IL15: variants seen among roughly 807,000 people sequenced by gnomAD.
IL15 encodes interleukin 15, also known as interleukin-15.
IL15 carries 11 observed loss-of-function variants against 19.6 expected under a neutral mutation model. The observed-to-expected ratio is 0.56, with a 90% confidence interval of 0.35 to 0.93. IL15 has a LOEUF of 0.93. Among genes scored for constraint, IL15 ranks in the 40% least tolerant of loss-of-function variants. The pLI is 0.01. For missense variants in IL15, 197 were observed against 186.5 expected (o/e 1.06, Z -0.33); for synonymous variants, 58 against 59.6 (o/e 0.97, Z 0.12).
At chr4:141,695,817 T>C (rs999092932) in intron 2 of IL15, among the ~76,000 whole-genome samples, 1 of 152,094 alleles carries the variant, frequency 6.6e-6, no homozygotes, top group Non-Finnish European at 1.5e-5. Context: ...GTTGTTTAAA[T>C]TCACTATATA....
intron 1 of IL15, among the ~76,000 whole-genome samples, chr4:141,639,638 C>A (rs1230115045): frequency 6.6e-6 from 1 of 152,098 alleles, no homozygotes; most frequent in Non-Finnish European, 1.5e-5. Context: ...CCATAATATC[C>A]CAACTGGAGA....
chr4:141,668,325 T>TA (rs547005584), intron 2 of IL15, among the ~76,000 whole-genome samples: 231 of 152,326 alleles, frequency 1.5e-3, no homozygotes, highest in African/African-American at 5.3e-3. Context: ...CAGCTTCCTT[T>TA]ATGCCACTTG....
intron 2 of IL15, among the ~76,000 whole-genome samples, chr4:141,662,491 T>G (rs1182051980): frequency 6.6e-6 from 1 of 152,262 alleles, no homozygotes; most frequent in East Asian, 1.9e-4. Flanking sequence ...TACCTCAGCT[T>G]ATTTCATTTA....
chr4:141,733,009 C>A lies in IL15; in HGVS notation c.*161C>A, dbSNP rs1730503562. The stretch of plus-strand genomic sequence containing the variant: ...TCAGATGAACTCTTAGAAATGAAGG[C>A]AGAAAAATGTCATTGAGTAATATAG... On this transcript the variant is annotated 3_prime_UTR_variant, in exon 8 of 8. Transcript: ENST00000320650. 8.8e-7 allele frequency: 1 copy of A among 1,132,738 alleles called. No individual in the cohort carries two copies. Among genetic ancestry groups the A allele is most frequent in the Non-Finnish European group, 1.2e-6 (1 of 845,522 alleles). The allele number at this position is 1,132,738 out of a possible 1,614,324, so 70.2% of individuals were successfully genotyped here. A position where few individuals can be genotyped will look rare whatever the true frequency, so the allele number is the denominator to read the frequency against.
At chr4:141,671,307 A>G in intron 2 of IL15, among the ~76,000 whole-genome samples, 1 of 152,282 alleles carries the variant, frequency 6.6e-6, no homozygotes, top group East Asian at 1.9e-4. Flanking sequence ...GGAAAATGAA[A>G]TTGTGAAAAG....
chr4:141,733,048 C>A lies in IL15; in HGVS notation c.*200C>A. On this transcript the variant is annotated 3_prime_UTR_variant, in exon 8 of 8. Coordinates refer to ENST00000320650, the MANE Select transcript of IL15 (RefSeq NM_000585.5). ...TGAGTAATATAGTGACTATGAACTT[C>A]TCTCAGACTTACTTTACTCATTTTT... The A allele has an allele frequency of 1.7e-6, 1 of 573,778 alleles. No homozygotes were observed. Among genetic ancestry groups the A allele is most frequent in the Non-Finnish European group, 2.6e-6 (1 of 384,184 alleles). 35.5% of individuals were successfully genotyped at this position (573,778 alleles called of 1,614,324 possible).
rs1354741907 is a variant in IL15 at position 141,721,977 on chromosome 4, G to A, written c.164G>A (p.Ser55Asn). ...KTEANWVNVI[S>N]DLKKIEDLIQ... ...GAAGCCAACTGGGTGAATGTAATAA[G>A]TGATTTGAAAAAAATTGAAGATCTT... The change falls in exon 5 of 8, where the codon AGT becomes AAT. Residue 55 changes from serine to asparagine, a missense_variant. Ser to Asn is a conservative substitution (Grantham distance 46). Transcript: ENST00000320650. 6 of 1,592,764 alleles carry A rather than the reference G, an allele frequency of 3.8e-6. No homozygotes were observed. Among genetic ancestry groups the A allele is most frequent in the South Asian group, 1.1e-5 (1 of 88,808 alleles).
At chr4:141,644,170 T>C (rs1560898946) in intron 1 of IL15, among the ~76,000 whole-genome samples, 2 of 151,914 alleles carry the variant, frequency 1.3e-5, no homozygotes, top group African/African-American at 2.4e-5. Context: ...CACAGTATTA[T>C]TGCAAAAGTG....
Position 141,671,588 on chromosome 4 carries a change from G to A in IL15, c.-100+15281G>A, listed in dbSNP as rs760563964. On this transcript the variant is annotated intron_variant, in intron 2 of 7. Coordinates refer to ENST00000320650, the MANE Select transcript of IL15 (RefSeq NM_000585.5). ...TCCTCACTCACCTGTCTGGTGCCTC[G>A]GTGATGGCTGTTGTGTGAGCCGCTT... Among the ~76,000 whole-genome samples the A allele has an allele frequency of 3.9e-5, 6 of 152,166 alleles. No individual in the cohort carries two copies. In the East Asian group the frequency reaches 7.7e-4, roughly 20 times the overall value.
At chr4:141,658,773 G>A (rs765448094) in intron 2 of IL15, among the ~76,000 whole-genome samples, 11 of 151,802 alleles carry the variant, frequency 7.2e-5, no homozygotes, top group African/African-American at 1.5e-4. Flanking sequence ...GAAAAAACAC[G>A]GAAATCATGC....
At chr4:141,655,795 C>A (rs1430799147) in intron 1 of IL15, among the ~76,000 whole-genome samples, 1 of 152,190 alleles carries the variant, frequency 6.6e-6, no homozygotes, top group South Asian at 2.1e-4. Context: ...ATTTTCAACA[C>A]CTTCTTCAGA....
At chr4:141,650,383 G>C (rs1038135966) in intron 1 of IL15, among the ~76,000 whole-genome samples, 1 of 152,054 alleles carries the variant, frequency 6.6e-6, no homozygotes, top group African/African-American at 2.4e-5. Context: ...CTGCGCTTTA[G>C]ATATAGTCAA....
intron 2 of IL15, among the ~76,000 whole-genome samples, chr4:141,662,768 C>T (rs1458929703): frequency 1.3e-5 from 2 of 151,890 alleles, no homozygotes; most frequent in Non-Finnish European, 2.9e-5. Flanking sequence ...GTTGTTATTA[C>T]TTAGCTATTT....
At chr4:141,675,328 G>A (rs1728307213) in intron 2 of IL15, among the ~76,000 whole-genome samples, 1 of 152,120 alleles carries the variant, frequency 6.6e-6, no homozygotes, top group African/African-American at 2.4e-5. Flanking sequence ...AACACTTAGA[G>A]TTGACAGAAA....
At chr4:141,652,000 G>A (rs1727423320) in intron 1 of IL15, among the ~76,000 whole-genome samples, 1 of 152,102 alleles carries the variant, frequency 6.6e-6, no homozygotes, top group African/African-American at 2.4e-5. Context: ...CTTAAAGATT[G>A]TGACAAATCT....
At chr4:141,693,308 C>T (rs1375975107) in intron 2 of IL15, among the ~76,000 whole-genome samples, 2 of 152,084 alleles carry the variant, frequency 1.3e-5, no homozygotes, top group Non-Finnish European at 1.5e-5. Context: ...CTGGGTCCCT[C>T]CCTCGACACA....
intron 2 of IL15, among the ~76,000 whole-genome samples, chr4:141,689,768 CCAGACT>C (rs1312474924): frequency 1.3e-5 from 2 of 152,248 alleles, no homozygotes; most frequent in Non-Finnish European, 2.9e-5. Context: ...CAAGGCCCCA[CCAGACT>C]CAGGAGCTCA....
chr4:141,640,961 G>T (rs113635933), intron 1 of IL15, among the ~76,000 whole-genome samples: 1 of 152,114 alleles, frequency 6.6e-6, no homozygotes, highest in South Asian at 2.1e-4. Flanking sequence ...GTGGTGGTGG[G>T]GGTAAGCTCT....
rs539557970 is a variant in IL15 at position 141,720,859 on chromosome 4, T to C, written c.110+293T>C. 4 of 535,014 alleles carry C rather than the reference T, an allele frequency of 7.5e-6. No individual in the cohort carries two copies. In the African/African-American group the frequency reaches 7.8e-5, roughly 10 times the overall value. 33.1% of individuals were successfully genotyped at this position (535,014 alleles called of 1,614,324 possible). On this transcript the variant is annotated intron_variant, in intron 4 of 7. Coordinates refer to ENST00000320650, the MANE Select transcript of IL15 (RefSeq NM_000585.5). Reference sequence around the variant, plus strand: ...TACCACTTATTGATAGACTACATATTTTTCATGGCAATTAAAAGTAGATAT... The same window carrying C: ...TACCACTTATTGATAGACTACATATCTTTCATGGCAATTAAAAGTAGATAT...
Sources: gnomAD v4.1 joint callset for allele counts (sites outside exome capture counted in the v4.1 genomes callset) on GRCh38, gnomAD v4.1.1 for gene constraint, MANE v1.5 for transcripts, NCBI Gene and HGNC (gene_info 2026-07-23, HGNC 2026-07-21) for gene names.